FANCE: variants seen among roughly 807,000 people sequenced by gnomAD.
FANCE encodes the protein Fanconi anemia group E protein.
Under a neutral mutation model 57.8 loss-of-function variants are expected in FANCE, and 42 were observed. That is an observed-to-expected ratio of 0.73 (90% CI 0.57 to 0.94). The LOEUF (loss-of-function observed/expected upper bound fraction) is 0.94, where lower values mean the gene tolerates loss of function less well. FANCE is among the 40% of genes least tolerant of loss of function. The probability of loss-of-function intolerance (pLI) is 0.00; values close to 1 mark genes in which losing one functional copy is unlikely to be tolerated. For synonymous variants in FANCE, 251 were observed against 286.4 expected, an observed-to-expected ratio of 0.88 and a Z score of 1.25; for missense variants, 608 against 661.8, an observed-to-expected ratio of 0.92 and a Z score of 0.89.
rs371457404 is a variant in FANCE at position 35,454,250 on chromosome 6, TAG to T, written c.248+1460_248+1461del. ...CTAATTTTTGTATTTTTAGCAGAGA[TAG>T]AGTTTCACCATATTGGCTGGGCTGG... On this transcript the variant is annotated intron_variant, in intron 1 of 9. Transcript: ENST00000229769. 1.4e-4 allele frequency among the ~76,000 whole-genome samples: 22 copies of T among 152,156 alleles called. No homozygotes were observed. The East Asian group carries it at 4.3e-3, about 29-fold the overall frequency.
At chr6:35,464,262 A>G (rs551044720) in intron 9 of FANCE, among the ~76,000 whole-genome samples, 78 of 113,038 alleles carry the variant, frequency 6.9e-4, no homozygotes, top group Non-Finnish European at 7.6e-4. Flanking sequence ...TTTTTGAGAC[A>G]GAGTCTCACT....
intron 1 of FANCE, 22 bp downstream of exon 1, chr6:35,452,815 C>T: frequency 7.7e-7 from 1 of 1,304,942 alleles, no homozygotes; most frequent in Non-Finnish European, 9.8e-7. Context: ...CCCGCGGCCC[C>T]TTAGCAGGTA....
rs768113774 is a variant in FANCE at position 35,456,007 on chromosome 6, G to A, written c.509G>A (p.Gly170Glu). The change falls in exon 2 of 10, where the codon GGG becomes GAG. Residue 170 changes from glycine (G) to glutamate (E), a missense_variant. Transcript: ENST00000229769. This position sits in a 1 kb window ranked among gnomAD's most constrained non-coding sequence, Gnocchi z 4.3. ...CQRQLQSLCR[G>E]LGLGGRRLKS... ...AGACAGCTCCAAAGTCTATGTAGGG[G>A]GCTGGGCCTGGGGGGCAGGAGGTTG... is the stretch of plus-strand genomic sequence containing the variant. 1 of 1,613,018 alleles carries A rather than the reference G, an allele frequency of 6.2e-7. No homozygotes were observed. The highest frequency in any genetic ancestry group is 8.5e-7 in the Non-Finnish European group (1 of 1,179,702).
In FANCE at chr6:35,452,440, C is replaced by G; in HGVS notation, c.-106C>G. 8.9e-7 allele frequency: 1 copy of G among 1,128,054 alleles called. No individual in the cohort carries two copies. The highest frequency in any genetic ancestry group is 1.1e-6 in the Non-Finnish European group (1 of 902,526). 69.9% of individuals were successfully genotyped at this position (1,128,054 alleles called of 1,614,324 possible). On this transcript the variant is annotated 5_prime_UTR_variant, in exon 1 of 10. Coordinates refer to ENST00000229769, the MANE Select transcript of FANCE (RefSeq NM_021922.3). ...GCTTGTAACAGGCGCTGGAGCTGGC[C>G]CGCCACCGCCGCGTCAGGGACGGCG...
In FANCE at chr6:35,456,610, G is replaced by A. The variant is rs1307401149; in HGVS notation, c.855+257G>A. Among the ~76,000 whole-genome samples the A allele has an allele frequency of 6.6e-6, 1 of 152,170 alleles. No individual in the cohort carries two copies. The highest frequency in any genetic ancestry group is 1.5e-5 in the Non-Finnish European group (1 of 68,034). On this transcript the variant is annotated intron_variant, in intron 2 of 9. Transcript: ENST00000229769. This position sits in a 1 kb window ranked among gnomAD's most constrained non-coding sequence, Gnocchi z 4.3. ...GCTCACCGCAACCTCTGCCTCCCGG[G>A]TTCAAGCGATTCTCCTGCCTCAGCT...
intron 9 of FANCE, among the ~76,000 whole-genome samples, chr6:35,465,736 G>A (rs1450668027): frequency 6.6e-6 from 1 of 152,144 alleles, no homozygotes. Flanking sequence ...CATCAGATCT[G>A]TACTATTAAG....
rs1236565765 is a variant in FANCE, at chr6:35,459,347, C to T, written c.1130C>T (p.Ser377Phe). The change falls in exon 6 of 10, where the codon TCC becomes TTC. Residue 377 changes from serine to phenylalanine, a missense_variant. Transcript: ENST00000229769. ...LFLGRILSLT[S>F]SASRLLTTAL... The stretch of plus-strand genomic sequence containing the variant: ...TGGCTGTAGATCCTCTCCTTGACTT[C>T]CTCAGCCTCCCGCCTGCTTACAACT... 1.7e-5 allele frequency: 28 copies of T among 1,613,916 alleles called. No individual in the cohort carries two copies. The highest frequency in any genetic ancestry group is 2.3e-5 in the Non-Finnish European group (27 of 1,180,030).
chr6:35,457,956 A>T lies in FANCE; in HGVS notation c.941A>T (p.Gln314Leu). ...GAGGATGCCCCCCCAGTTGAGCTACAGCTTCTTCACGAATGTAGTCCCAGC... is the reference window on the plus strand; with the variant it reads ...GAGGATGCCCCCCCAGTTGAGCTACTGCTTCTTCACGAATGTAGTCCCAGC... ...GLEDAPPVEL[Q>L]LLHECSPSQM... Residue 314 changes from glutamine to leucine, a missense_variant, in exon 4 of 10, where the codon CAG becomes CTG. By Grantham distance (113) the Gln-to-Leu change is moderately radical (BLOSUM62 -2). Coordinates refer to ENST00000229769, the MANE Select transcript of FANCE (RefSeq NM_021922.3). 1 of 1,614,142 alleles carries T rather than the reference A, an allele frequency of 6.2e-7. No individual in the cohort carries two copies. The highest frequency in any genetic ancestry group is 8.5e-7 in the Non-Finnish European group (1 of 1,180,018).
At chr6:35,459,851 T>C in intron 7 of FANCE, 91 bp downstream of exon 7, 1 of 1,098,762 alleles carries the variant, frequency 9.1e-7, no homozygotes, top group Non-Finnish European at 1.4e-6. Flanking sequence ...CAGGGAAGGC[T>C]TACCTTCTCT....
chr6:35,463,731 G>A (rs1240874383), intron 9 of FANCE, among the ~76,000 whole-genome samples: 9 of 150,028 alleles, frequency 6.0e-5, no homozygotes, highest in Non-Finnish European at 8.8e-5. Context: ...GCATGATCTC[G>A]GCTCACTGCA....
At chr6:35,457,772 T>A in intron 3 of FANCE, 144 bp from the exon 4 acceptor site, 5 of 1,011,638 alleles carry the variant, frequency 4.9e-6, no homozygotes, top group Non-Finnish European at 7.7e-6. Flanking sequence ...AAGTGTAGAC[T>A]TACCATCTAA....
At chr6:35,458,977 C>T (rs1045354037) in intron 5 of FANCE, among the ~76,000 whole-genome samples, 16 of 152,194 alleles carry the variant, frequency 1.1e-4, no homozygotes, top group South Asian at 2.1e-4. Context: ...GACTGGGTTT[C>T]GCCACGTTGC....
chr6:35,466,033 T>A (rs768873757), intron 9 of FANCE, among the ~76,000 whole-genome samples: 4 of 152,250 alleles, frequency 2.6e-5, no homozygotes, highest in Non-Finnish European at 5.9e-5. Flanking sequence ...CAACTGTTAC[T>A]AATGTGGCCG....
At chr6:35,462,611 C>G (rs778560133) in intron 8 of FANCE, among the ~76,000 whole-genome samples, 178 bp from the exon 9 acceptor site, 5 of 152,130 alleles carry the variant, frequency 3.3e-5, no homozygotes, top group African/African-American at 1.2e-4. Flanking sequence ...CACAGTCTTC[C>G]GTTAGATATC....
At position 35,459,765 on chromosome 6, in the gene FANCE, G is replaced by C; in HGVS notation, c.1316+5G>C. 1 of 1,613,624 alleles carries C rather than the reference G, an allele frequency of 6.2e-7. No homozygotes were observed. Among genetic ancestry groups the C allele is most frequent in the Non-Finnish European group, 8.5e-7 (1 of 1,179,548 alleles). ...TGCACAGGTTCTAATGCTGGGGTGAGTGTGCAGGCCTCCGTGCTGTCCCCA... is the reference window on the plus strand; with the variant it reads ...TGCACAGGTTCTAATGCTGGGGTGACTGTGCAGGCCTCCGTGCTGTCCCCA... On this transcript the variant is annotated splice_donor_5th_base_variant and intron_variant, in intron 7 of 9. Coordinates refer to ENST00000229769, the MANE Select transcript of FANCE (RefSeq NM_021922.3).
rs747590543 is a variant in FANCE, at chr6:35,456,158, A to G, written c.660A>G (p.Leu220=). The change falls in exon 2 of 10, where the codon TTA becomes TTG. Residue 220 remains leucine (L), a synonymous_variant. Coordinates refer to ENST00000229769, the MANE Select transcript of FANCE (RefSeq NM_021922.3). This position sits in a 1 kb window ranked among gnomAD's most constrained non-coding sequence, Gnocchi z 4.3. ...AGGGGAAGAGGGTCCCCAAAAGATT[A>G]CGGTGTTGGGAAGAGGAAGAAGATC... ...SPEGKRVPKR[L]RCWEEEEDHE... 1 of 1,614,118 alleles carries G rather than the reference A, an allele frequency of 6.2e-7. No individual in the cohort carries two copies. The highest frequency in any genetic ancestry group is 8.5e-7 in the Non-Finnish European group (1 of 1,180,016).
At chr6:35,457,085 G>A (rs969164974) in intron 2 of FANCE, among the ~76,000 whole-genome samples, 7 of 151,766 alleles carry the variant, frequency 4.6e-5, no homozygotes, top group African/African-American at 1.7e-4. Flanking sequence ...TCTAGTTTGG[G>A]TTCTTAGGCA....
intron 8 of FANCE, 132 bp downstream of exon 8, chr6:35,460,750 T>A: frequency 1.2e-6 from 1 of 820,890 alleles, no homozygotes; most frequent in Non-Finnish European, 2.0e-6. Flanking sequence ...AGCAGCTGCC[T>A]GAGACAGTGG....
rs45468994 is a variant in FANCE at position 35,458,318 on chromosome 6, C to G, written c.991C>G (p.Leu331Val). 36 of 1,614,080 alleles carry G rather than the reference C, an allele frequency of 2.2e-5. No homozygotes were observed. In the East Asian group the frequency reaches 8.0e-4, roughly 36 times the overall value. Residue 331 changes from leucine (L) to valine (V), a missense_variant, in exon 5 of 10, where the codon CTG (leucine) becomes GTG (valine). Transcript: ENST00000229769. ...GCAGATGGACTTGCTGTGTGCCCAG[C>G]TGCAGCTCCCTCAGCTCTCAGACCT... ...PSQMDLLCAQ[L>V]QLPQLSDLGL... is the part of the protein sequence containing the mutation.
Sources: allele counts gnomAD v4.1 joint callset (sites outside exome capture counted in the v4.1 genomes callset), GRCh38; gene constraint gnomAD v4.1.1; non-coding constraint Gnocchi (gnomAD v3.1); transcripts MANE v1.5; gene names NCBI Gene and HGNC (gene_info 2026-07-23, HGNC 2026-07-21).